Variants in DLG2 observed in about 807,000 individuals in gnomAD.
DLG2 encodes the protein discs large MAGUK scaffold protein 2, also known as disks large homolog 2.
DLG2 carries 45 observed loss-of-function variants against 132.5 expected under a neutral mutation model. The observed-to-expected ratio is 0.34, with a 90% confidence interval of 0.27 to 0.44. The LOEUF (loss-of-function observed/expected upper bound fraction) is 0.44, where lower values mean the gene tolerates loss of function less well. DLG2 is among the 20% of genes least tolerant of loss of function. The pLI is 1.00. For missense variants in DLG2, 1,045 were observed against 1,196.9 expected, an observed-to-expected ratio of 0.87 and a Z score of 1.87; for synonymous variants, 424 against 419.6, an observed-to-expected ratio of 1.01 and a Z score of -0.13.
intron 4 of DLG2, among the ~76,000 whole-genome samples, chr11:85,155,292 T>C (rs2077517291): frequency 6.6e-6 from 1 of 152,194 alleles, no homozygotes. Flanking sequence ...AAGATGTTGA[T>C]AGTCTACTGC....
chr11:83,522,898 T>C (rs2095519509), intron 21 of DLG2, among the ~76,000 whole-genome samples: 1 of 151,870 alleles, frequency 6.6e-6, no homozygotes, highest in Non-Finnish European at 1.5e-5. Flanking sequence ...TGAAACTCTT[T>C]TCAGATATTA....
intron 3 of DLG2, among the ~76,000 whole-genome samples, chr11:85,549,546 C>T (rs1158717365): frequency 2.6e-5 from 4 of 152,146 alleles, no homozygotes; most frequent in Non-Finnish European, 4.4e-5. Context: ...ATAAAAACGT[C>T]AGAGGCATTT....
chr11:84,181,721 G>A (rs1007738412), intron 8 of DLG2, among the ~76,000 whole-genome samples: 2 of 152,140 alleles, frequency 1.3e-5, no homozygotes, highest in Admixed American at 6.6e-5. Flanking sequence ...AAGAAAGTGG[G>A]AGTAGCTATA....
At chr11:85,617,422 T>C (rs1473361341) in intron 2 of DLG2, among the ~76,000 whole-genome samples, 2 of 152,258 alleles carry the variant, frequency 1.3e-5, no homozygotes, top group African/African-American at 4.8e-5. Context: ...GTCTGTTTTC[T>C]TGACAAAGAG....
intron 16 of DLG2, among the ~76,000 whole-genome samples, chr11:83,860,162 A>G (rs113647459): frequency 0.13 from 19,102 of 152,260 alleles, 1,783 homozygotes; most frequent in Non-Finnish European, 0.18. Context: ...AAGCCCCCAT[A>G]CAGAGTCCAT....
intron 18 of DLG2, among the ~76,000 whole-genome samples, chr11:83,750,327 A>G (rs931044837): frequency 1.3e-5 from 2 of 152,198 alleles, no homozygotes; most frequent in Non-Finnish European, 2.9e-5. Flanking sequence ...GACAAGTATG[A>G]GGAATGTTTT....
chr11:84,300,857 G>A (rs1224277049), intron 7 of DLG2, among the ~76,000 whole-genome samples: 1 of 152,148 alleles, frequency 6.6e-6, no homozygotes, highest in African/African-American at 2.4e-5. Flanking sequence ...TTCAAATGGG[G>A]GAATCATAAA....
chr11:84,880,821 C>A (rs1241902385), intron 6 of DLG2, among the ~76,000 whole-genome samples: 1 of 152,020 alleles, frequency 6.6e-6, no homozygotes, highest in African/African-American at 2.4e-5. Context: ...ATGGTCTAAG[C>A]TCTTTCAATA....
rs997805339 is a variant in DLG2 at position 85,563,298 on chromosome 11, C to G, written c.40+35359G>C. Among the ~76,000 whole-genome samples, 153 of 151,730 alleles carry G rather than the reference C, an allele frequency of 1.0e-3. 1 individual carries two copies. Among genetic ancestry groups the G allele is most frequent in the African/African-American group, 3.5e-3 (145 of 41,486 alleles). On this transcript the variant is annotated intron_variant, in intron 3 of 27. Coordinates refer to ENST00000376104, the MANE Select transcript of DLG2 (RefSeq NM_001142699.3). ...TTGACAAATGTCTATAGTCATGTAA[C>G]CAACACAACAATCAAGATATAGAGC...
chr11:85,334,116 A>G (rs896354858), intron 3 of DLG2, among the ~76,000 whole-genome samples: 5 of 152,018 alleles, frequency 3.3e-5, no homozygotes, highest in Non-Finnish European at 7.4e-5. Context: ...AGAATTCATT[A>G]TTGGTCTGTT....
rs2064938272 is a variant in DLG2, at chr11:84,743,365, G to A, written c.358-208634C>T. ...TGAAGGATCTTTAAGAGGCCATGTA[G>A]TATACCAACCATCTTTAGTAAGAAT... On this transcript the variant is annotated intron_variant, in intron 6 of 27. Coordinates refer to ENST00000376104, the MANE Select transcript of DLG2 (RefSeq NM_001142699.3). Among the ~76,000 whole-genome samples, 3 of 152,228 alleles carry A rather than the reference G, an allele frequency of 2.0e-5. No homozygotes were observed. The East Asian group carries it at 5.8e-4, about 29-fold the overall frequency.
At chr11:83,713,611 T>C (rs1218638107) in intron 18 of DLG2, among the ~76,000 whole-genome samples, 1 of 152,200 alleles carries the variant, frequency 6.6e-6, no homozygotes, top group Non-Finnish European at 1.5e-5. Flanking sequence ...ACATAAGGAA[T>C]ATATTTCCAG....
At chr11:85,226,871 C>G (rs2075010278) in intron 4 of DLG2, among the ~76,000 whole-genome samples, 1 of 152,116 alleles carries the variant, frequency 6.6e-6, no homozygotes, top group South Asian at 2.1e-4. Context: ...AGAACTAGAG[C>G]TGAGTTATTA....
intron 7 of DLG2, among the ~76,000 whole-genome samples, chr11:84,390,072 A>G (rs2098786862): frequency 6.6e-6 from 1 of 152,122 alleles, no homozygotes; most frequent in Non-Finnish European, 1.5e-5. Context: ...CATATGTACT[A>G]TTGCATAATC....
At chr11:85,290,511 C>CCT (rs2078828415) in intron 3 of DLG2, among the ~76,000 whole-genome samples, 1 of 151,544 alleles carries the variant, frequency 6.6e-6, no homozygotes, top group South Asian at 2.1e-4. Flanking sequence ...TCACTGCAAT[C>CCT]CTCTTGCAGT....
chr11:84,377,724 T>C (rs916353265), intron 7 of DLG2, among the ~76,000 whole-genome samples: 2 of 152,130 alleles, frequency 1.3e-5, no homozygotes, highest in African/African-American at 4.8e-5. Context: ...ATGTTTATGA[T>C]AAAAAGGTTC....
chr11:85,244,070 G>C (rs966404900), intron 4 of DLG2, among the ~76,000 whole-genome samples: 6 of 151,890 alleles, frequency 4.0e-5, no homozygotes, highest in African/African-American at 1.4e-4. Flanking sequence ...TTAGTTTCCT[G>C]TCTCTCCACA....
chr11:84,717,982 T>C (rs2061412629), intron 6 of DLG2, among the ~76,000 whole-genome samples: 1 of 152,038 alleles, frequency 6.6e-6, no homozygotes, highest in Non-Finnish European at 1.5e-5. Flanking sequence ...AGCCTGTCTG[T>C]GAGGTAAATT....
chr11:85,503,301 C>A (rs2093848114), intron 3 of DLG2, among the ~76,000 whole-genome samples: 1 of 152,046 alleles, frequency 6.6e-6, no homozygotes, highest in Non-Finnish European at 1.5e-5. Context: ...TACTTTGAGC[C>A]ATCGACAAAT....
Sources: gnomAD v4.1 joint callset for allele counts (sites outside exome capture counted in the v4.1 genomes callset) on GRCh38, gnomAD v4.1.1 for gene constraint, MANE v1.5 for transcripts, NCBI Gene and HGNC (gene_info 2026-07-23, HGNC 2026-07-21) for gene names.